Variants in TRPM3 observed in about 807,000 individuals in gnomAD.
TRPM3 encodes long transient receptor potential channel 3.
Under a neutral mutation model 181.2 loss-of-function variants are expected in TRPM3, and 77 were observed. The observed-to-expected ratio is 0.42, with a 90% CI of 0.35 to 0.51. TRPM3 has a LOEUF of 0.51. TRPM3 is among the 20% of genes least tolerant of loss of function. TRPM3 has a pLI of 0.01. For synonymous variants in TRPM3, 745 were observed against 796.4 expected (o/e 0.94, Z 1.09); for missense variants, 1,759 against 2,196.7 (o/e 0.80, Z 3.98).
chr9:71,427,597 A>C (rs1184046806), intron 1 of TRPM3, among the ~76,000 whole-genome samples: 1 of 152,252 alleles, frequency 6.6e-6, no homozygotes, highest in Non-Finnish European at 1.5e-5. Context: ...GAACAAAATC[A>C]TGTCATTTGC....
intron 5 of TRPM3, among the ~76,000 whole-genome samples, chr9:70,834,342 C>T (rs2094155454): frequency 6.6e-6 from 1 of 152,166 alleles, no homozygotes; most frequent in African/African-American, 2.4e-5. Flanking sequence ...GGACTTGCTC[C>T]CTTTGCCCAG....
At chr9:71,185,931 T>C (rs891030190) in intron 1 of TRPM3, among the ~76,000 whole-genome samples, 1 of 152,116 alleles carries the variant, frequency 6.6e-6, no homozygotes, top group Admixed American at 6.6e-5. Context: ...AAATGTATTG[T>C]CTCACAATAT....
intron 6 of TRPM3, among the ~76,000 whole-genome samples, chr9:70,794,625 G>T (rs1234616133): frequency 1.3e-5 from 2 of 152,112 alleles, no homozygotes; most frequent in African/African-American, 2.4e-5. Context: ...AGAATCTTCT[G>T]TATTCTCATT....
chr9:70,851,396 CA>C (rs2095224772), intron 3 of TRPM3, among the ~76,000 whole-genome samples: 1 of 152,142 alleles, frequency 6.6e-6, no homozygotes, highest in Non-Finnish European at 1.5e-5. Context: ...AGCTAAGTGA[CA>C]TATTATGGAG....
intron 1 of TRPM3, among the ~76,000 whole-genome samples, chr9:71,032,109 AT>A (rs1318643785): frequency 2.2e-5 from 2 of 89,644 alleles, no homozygotes; most frequent in South Asian, 2.9e-4. Flanking sequence ...TATTATATAT[AT>A]TATATTATAT....
intron 1 of TRPM3, among the ~76,000 whole-genome samples, chr9:70,911,067 T>C (rs892418993): frequency 6.6e-6 from 1 of 152,172 alleles, no homozygotes; most frequent in African/African-American, 2.4e-5. Flanking sequence ...AATTCCAAGA[T>C]TATATAACTT....
At chr9:71,075,944 A>G (rs1278898025) in intron 1 of TRPM3, among the ~76,000 whole-genome samples, 8 of 152,232 alleles carry the variant, frequency 5.3e-5, no homozygotes, top group Non-Finnish European at 1.5e-5. Context: ...ATCACTGGTC[A>G]TAGCAAAAGG....
intron 1 of TRPM3, among the ~76,000 whole-genome samples, chr9:71,391,683 A>G (rs576528010): frequency 6.6e-6 from 1 of 152,198 alleles, no homozygotes; most frequent in Non-Finnish European, 1.5e-5. Context: ...GAATTTGACT[A>G]TTACATCAAA....
At chr9:70,984,478 C>A (rs752412793) in intron 1 of TRPM3, among the ~76,000 whole-genome samples, 1 of 152,180 alleles carries the variant, frequency 6.6e-6, no homozygotes, top group Non-Finnish European at 1.5e-5. Context: ...TCACAAAATT[C>A]AAAGGAAGTG....
intron 1 of TRPM3, among the ~76,000 whole-genome samples, chr9:71,308,283 T>TA (rs573313809): frequency 6.6e-5 from 10 of 152,126 alleles, no homozygotes; most frequent in South Asian, 2.1e-4. Flanking sequence ...TTTGTTTCTT[T>TA]AAAAAAAACC....
chr9:70,639,628 A>C (rs1285475845), intron 10 of TRPM3, among the ~76,000 whole-genome samples: 2 of 152,230 alleles, frequency 1.3e-5, no homozygotes, highest in Non-Finnish European at 2.9e-5. Flanking sequence ...CCAAGTCAAC[A>C]GACCAAAGGC....
chr9:71,350,959 G>C (rs1458990795), intron 1 of TRPM3, among the ~76,000 whole-genome samples: 2 of 152,080 alleles, frequency 1.3e-5, no homozygotes, highest in Non-Finnish European at 2.9e-5. Flanking sequence ...TGCTCATAAA[G>C]CAACTATTTC....
intron 1 of TRPM3, among the ~76,000 whole-genome samples, chr9:70,872,150 G>A (rs1223259500): frequency 2.0e-5 from 3 of 152,030 alleles, no homozygotes; most frequent in African/African-American, 4.8e-5. Flanking sequence ...CTTTGAGGGC[G>A]ATACAGTCTC....
intron 1 of TRPM3, among the ~76,000 whole-genome samples, chr9:71,180,940 C>T (rs918828624): frequency 3.3e-5 from 5 of 152,056 alleles, no homozygotes; most frequent in Middle Eastern, 3.4e-3. Flanking sequence ...GCCTTTTAGT[C>T]GTAGGAGAAG....
chr9:71,403,914 T>C (rs1015544405), intron 1 of TRPM3, among the ~76,000 whole-genome samples: 5 of 152,142 alleles, frequency 3.3e-5, no homozygotes, highest in African/African-American at 1.2e-4. Context: ...GTGGACAAGT[T>C]GGTGCTTTCT....
intron 18 of TRPM3, among the ~76,000 whole-genome samples, chr9:70,611,094 C>T (rs111973769): frequency 1.3e-5 from 2 of 152,294 alleles, no homozygotes; most frequent in African/African-American, 2.4e-5. Context: ...TCTTCCTCCC[C>T]ACCTGCTCTC....
At chr9:71,420,727 GAGAGAGAGAA>G (rs1314559068) in intron 1 of TRPM3, among the ~76,000 whole-genome samples, 3,489 of 44,734 alleles carry the variant, frequency 0.078, 335 homozygotes, top group Non-Finnish European at 0.11. Context: ...GAGAAAGAGA[GAGAGAGAGAA>G]AGAGAGAGAA....
At chr9:70,696,854 T>TC (rs2070666381) in intron 8 of TRPM3, among the ~76,000 whole-genome samples, 1 of 152,226 alleles carries the variant, frequency 6.6e-6, no homozygotes, top group Non-Finnish European at 1.5e-5. Flanking sequence ...CCTGTAAGTC[T>TC]ACCTGCCTGC....
At chr9:70,647,954 A>G (rs2059117192) in intron 9 of TRPM3, among the ~76,000 whole-genome samples, 1 of 152,244 alleles carries the variant, frequency 6.6e-6, no homozygotes, top group Non-Finnish European at 1.5e-5. Flanking sequence ...AGCTATAAAA[A>G]GAATAAAGTA....
Sources: allele counts gnomAD v4.1 joint callset (sites outside exome capture counted in the v4.1 genomes callset), GRCh38; gene constraint gnomAD v4.1.1; transcripts MANE v1.5; gene names NCBI Gene and HGNC (gene_info 2026-07-23, HGNC 2026-07-21).